FBXL17: variants seen among roughly 807,000 people sequenced by gnomAD.
FBXL17 encodes the protein F-box and leucine rich repeat protein 17.
In FBXL17, 22 loss-of-function variants were observed where a neutral mutation model predicts 66.2. The observed-to-expected ratio is 0.33, with a 90% CI of 0.24 to 0.47. The LOEUF (loss-of-function observed/expected upper bound fraction) is 0.47, where lower values mean the gene tolerates loss of function less well. Among genes scored for constraint, FBXL17 ranks in the 20% least tolerant of loss-of-function variants. The probability of loss-of-function intolerance (pLI) is 1.00; values close to 1 mark genes in which losing one functional copy is unlikely to be tolerated. For missense variants in FBXL17, 878 were observed against 948.2 expected (o/e 0.93, Z 0.97); for synonymous variants, 474 against 400.5 (o/e 1.18, Z -2.19).
intron 7 of FBXL17, among the ~76,000 whole-genome samples, chr5:107,884,982 T>C (rs1315795042): frequency 1.3e-5 from 2 of 152,222 alleles, no homozygotes; most frequent in East Asian, 1.9e-4. Flanking sequence ...TATAAATACT[T>C]AGTCATTATG....
intron 5 of FBXL17, among the ~76,000 whole-genome samples, chr5:108,208,814 A>C (rs1580617085): frequency 6.6e-6 from 1 of 152,042 alleles, no homozygotes; most frequent in South Asian, 2.1e-4. Context: ...GGTTCCATAT[A>C]AATTTTAAAG....
rs942999228 is a variant in FBXL17 at position 108,364,855 on chromosome 5, G to A, written c.1257C>T (p.Ala419=). The A allele has an allele frequency of 1.2e-6, 2 of 1,613,008 alleles. No homozygotes were observed. Among genetic ancestry groups the A allele is most frequent in the Non-Finnish European group, 1.7e-6 (2 of 1,179,284 alleles). The change falls in exon 3 of 9, where the codon GCC becomes GCT. Residue 419 remains alanine (A), a synonymous_variant. Coordinates refer to ENST00000542267, the MANE Select transcript of FBXL17 (RefSeq NM_001163315.3). ...FKCPGLLRYT[A]YRCKQLSDTS... ...TGTCAGAAAGCTGTTTACACCTGTA[G>A]GCTGTATACCTAAGAAGTCCAGGAC...
At chr5:108,350,359 C>A (rs1229659633) in intron 3 of FBXL17, among the ~76,000 whole-genome samples, 1 of 152,126 alleles carries the variant, frequency 6.6e-6, no homozygotes, top group Non-Finnish European at 1.5e-5. Context: ...GGGTATACCA[C>A]AGATAGCTGA....
At chr5:108,320,443 C>A (rs929961001) in intron 4 of FBXL17, among the ~76,000 whole-genome samples, 26 of 151,658 alleles carry the variant, frequency 1.7e-4, no homozygotes, top group African/African-American at 6.3e-4. Context: ...TCTTGGAAAG[C>A]ATCCAAAAAA....
At chr5:108,309,240 AAC>A (rs1758999137) in intron 4 of FBXL17, among the ~76,000 whole-genome samples, 1 of 152,082 alleles carries the variant, frequency 6.6e-6, no homozygotes, top group African/African-American at 2.4e-5. Context: ...AAGCCAAAAT[AAC>A]AGAGCATAGC....
intron 7 of FBXL17, among the ~76,000 whole-genome samples, chr5:107,889,506 A>G (rs1342887203): frequency 6.6e-6 from 1 of 152,194 alleles, no homozygotes; most frequent in African/African-American, 2.4e-5. Context: ...AAGCAGCTGT[A>G]CACAGGGGCA....
chr5:108,285,464 C>A (rs1561507116), intron 4 of FBXL17, among the ~76,000 whole-genome samples: 1 of 151,766 alleles, frequency 6.6e-6, no homozygotes, highest in East Asian at 1.9e-4. Context: ...AGTTGAAAGT[C>A]TAAATTACTC....
At position 108,265,553 on chromosome 5, in the gene FBXL17, A is replaced by G. The variant is rs77739923; in HGVS notation, c.1507-41325T>C. 3.5e-3 allele frequency among the ~76,000 whole-genome samples: 527 copies of G among 152,268 alleles called. 3 individuals carry two copies. Among genetic ancestry groups the G allele is most frequent in the African/African-American group, 0.012 (498 of 41,574 alleles). On this transcript the variant is annotated intron_variant, in intron 4 of 8. Transcript: ENST00000542267. Reference sequence around the variant, plus strand: ...GTTCAACTGTATTTTGTTAATCTCTATATCATTCATTAAGAGATAATGAAA... The same window carrying G: ...GTTCAACTGTATTTTGTTAATCTCTGTATCATTCATTAAGAGATAATGAAA...
intron 7 of FBXL17, among the ~76,000 whole-genome samples, chr5:108,011,620 A>G (rs1025827701): frequency 5.3e-5 from 8 of 152,110 alleles, no homozygotes; most frequent in Non-Finnish European, 1.2e-4. Flanking sequence ...CCTGGCCAAC[A>G]TTGTGAAACC....
rs542386334 is a variant in FBXL17 at position 108,033,561 on chromosome 5, CAGT to C, written c.1746-12563_1746-12561del. ...GTTTTTGTTACTTTGTTTTATTTTA[CAGT>C]AGCTTAGTTTTATCCATTTTCTTTT... On this transcript the variant is annotated intron_variant, in intron 6 of 8. Transcript: ENST00000542267. 3.1e-3 allele frequency among the ~76,000 whole-genome samples: 466 copies of C among 152,188 alleles called. 3 individuals carry two copies. The highest frequency in any genetic ancestry group is 0.011 in the African/African-American group (447 of 41,530).
At chr5:107,959,381 AACACACACACAC>A (rs57041975) in intron 7 of FBXL17, among the ~76,000 whole-genome samples, 45 of 147,916 alleles carry the variant, frequency 3.0e-4, no homozygotes, top group Admixed American at 1.7e-3. Flanking sequence ...GGCTGCTATA[AACACACACACAC>A]ACACACACAC....
chr5:108,148,126 G>A (rs527449596), intron 6 of FBXL17, among the ~76,000 whole-genome samples: 36 of 152,216 alleles, frequency 2.4e-4, no homozygotes, highest in Middle Eastern at 3.4e-3. Context: ...TGTAAACATC[G>A]ATTGTATAAA....
intron 6 of FBXL17, among the ~76,000 whole-genome samples, chr5:108,153,994 A>G (rs1157764775): frequency 6.6e-6 from 1 of 152,104 alleles, no homozygotes; most frequent in African/African-American, 2.4e-5. Context: ...ACATAGCCCA[A>G]ATGAGCTCAC....
At chr5:107,921,849 C>T (rs1750331811) in intron 7 of FBXL17, among the ~76,000 whole-genome samples, 1 of 152,206 alleles carries the variant, frequency 6.6e-6, no homozygotes, top group Non-Finnish European at 1.5e-5. Context: ...ATTTCAATGA[C>T]TATTCAGCAC....
intron 6 of FBXL17, among the ~76,000 whole-genome samples, chr5:108,092,394 C>T (rs1027752777): frequency 2.6e-5 from 4 of 152,112 alleles, no homozygotes; most frequent in Non-Finnish European, 5.9e-5. Context: ...GCCTGGACTT[C>T]CTGGGCTCAG....
intron 6 of FBXL17, among the ~76,000 whole-genome samples, chr5:108,144,444 G>C (rs1178553202): frequency 1.3e-5 from 2 of 152,078 alleles, no homozygotes; most frequent in Non-Finnish European, 2.9e-5. Context: ...ATTTCCCACA[G>C]CTAAAAATAT....
intron 7 of FBXL17, among the ~76,000 whole-genome samples, chr5:108,014,185 T>C (rs1278489458): frequency 6.6e-6 from 1 of 152,126 alleles, no homozygotes; most frequent in Non-Finnish European, 1.5e-5. Flanking sequence ...CAAAGACTAA[T>C]GTTAAAAATA....
At chr5:108,079,227 G>A (rs765881592) in intron 6 of FBXL17, among the ~76,000 whole-genome samples, 1 of 151,572 alleles carries the variant, frequency 6.6e-6, no homozygotes, top group Non-Finnish European at 1.5e-5. Flanking sequence ...GGAAAAAGAA[G>A]GCCCCTATAA....
At chr5:108,042,242 T>C (rs1041087931) in intron 6 of FBXL17, among the ~76,000 whole-genome samples, 8 of 152,290 alleles carry the variant, frequency 5.3e-5, no homozygotes, top group Non-Finnish European at 1.0e-4. Flanking sequence ...TAGATTCACA[T>C]GTAGTTGAAA....
Sources: gnomAD v4.1 joint callset for allele counts (sites outside exome capture counted in the v4.1 genomes callset) on GRCh38, gnomAD v4.1.1 for gene constraint, MANE v1.5 for transcripts, NCBI Gene and HGNC (gene_info 2026-07-23, HGNC 2026-07-21) for gene names.